The following HPGD variants were observed in gnomAD, a reference collection of about 807,000 sequenced individuals.
HPGD encodes 15-hydroxyprostaglandin dehydrogenase.
A neutral mutation model predicts 30.0 loss-of-function variants in HPGD; 29 were observed. That is an observed-to-expected ratio of 0.97 (90% CI 0.72 to 1.32). HPGD has a LOEUF of 1.32. HPGD is among the 40% of genes most tolerant of loss of function. HPGD has a pLI of 0.00. For synonymous variants in HPGD, 99 were observed against 112.4 expected (o/e 0.88, Z 0.75); for missense variants, 340 against 322.1 (o/e 1.06, Z -0.43).
chr4:174,508,414 C>T (rs1735290271), intron 4 of HPGD, among the ~76,000 whole-genome samples: 3 of 152,048 alleles, frequency 2.0e-5, no homozygotes, highest in Non-Finnish European at 2.9e-5. Context: ...TTAGGAGTCT[C>T]ACCACAACCT....
chr4:174,512,087 A>G (rs1392864778), intron 3 of HPGD, among the ~76,000 whole-genome samples: 1 of 152,230 alleles, frequency 6.6e-6, no homozygotes, highest in Non-Finnish European at 1.5e-5. Flanking sequence ...GAGATCAGCA[A>G]AGTGAAAAGT....
In HPGD at chr4:174,509,535, A is replaced by G. The variant is rs112693228; in HGVS notation, c.325-743T>C. Among the ~76,000 whole-genome samples, 1,079 of 152,288 alleles carry G rather than the reference A, an allele frequency of 7.1e-3. 6 individuals carry two copies. Among genetic ancestry groups the G allele is most frequent in the Non-Finnish European group, 0.013 (873 of 68,012 alleles). Reference sequence around the variant, plus strand: ...GCTGAGAAATTTTTTGTTGCTCTTAAGAAAACCTGAAGAAATGGTTACATT... The same window carrying G: ...GCTGAGAAATTTTTTGTTGCTCTTAGGAAAACCTGAAGAAATGGTTACATT... On this transcript the variant is annotated intron_variant, in intron 3 of 6. Coordinates refer to ENST00000296522, the MANE Select transcript of HPGD (RefSeq NM_000860.6).
Position 174,522,445 on chromosome 4 carries a change from C to T in HPGD, c.7G>A (p.Val3Met), listed in dbSNP as rs1736205097. MH[V>M]NGKVALVTGA... The stretch of plus-strand genomic sequence containing the variant: ...GTCACCAGCGCCACTTTGCCGTTCA[C>T]GTGCATGGTGCAGCCACTGCTGGGG... The change falls in exon 1 of 7, where the codon GTG (valine) becomes ATG (methionine). Residue 3 changes from valine to methionine, a missense_variant. Transcript: ENST00000296522. The T allele has an allele frequency of 1.9e-6, 3 of 1,578,692 alleles. No homozygotes were observed. Among genetic ancestry groups the T allele is most frequent in the Non-Finnish European group, 1.7e-6 (2 of 1,163,116 alleles).
intron 4 of HPGD, chr4:174,507,429 A>ATT (rs1735242785): frequency 6.6e-6 from 1 of 152,202 alleles, no homozygotes; most frequent in African/African-American, 2.4e-5. Context: ...TAAAAGAACC[A>ATT]TTTGATAATC....
chr4:174,493,867 A>G (rs1333435572), intron 5 of HPGD, among the ~76,000 whole-genome samples: 1 of 152,230 alleles, frequency 6.6e-6, no homozygotes, highest in Non-Finnish European at 1.5e-5. Flanking sequence ...TGGATTACAT[A>G]TAAACAAATT....
rs1734388432 is a variant in HPGD at position 174,492,504 on chromosome 4, AT to A, written c.663-411del. Among the ~76,000 whole-genome samples, 1 of 151,976 alleles carries A rather than the reference AT, an allele frequency of 6.6e-6. No homozygotes were observed. Among genetic ancestry groups the A allele is most frequent in the Admixed American group, 6.6e-5 (1 of 15,258 alleles). ...TGGTAACAGCTAGCATTTACTGAAA[AT>A]TTTATTTTTTACCAGTTACCATTTT... On this transcript the variant is annotated intron_variant, in intron 6 of 6. Coordinates refer to ENST00000296522, the MANE Select transcript of HPGD (RefSeq NM_000860.6). The surrounding 1 kb of genome is among the most constrained non-coding windows in gnomAD (Gnocchi z 4.9).
chr4:174,509,910 C>CA lies in HPGD; in HGVS notation c.325-1119dup, dbSNP rs565049366. Among the ~76,000 whole-genome samples the CA allele has an allele frequency of 8.9e-3, 1,076 of 120,234 alleles. 5 individuals carry two copies. The highest frequency in any genetic ancestry group is 0.013 in the Non-Finnish European group (751 of 57,790). The allele number at this position is 120,234 out of a possible 152,430, so 78.9% of individuals were successfully genotyped here. On this transcript the variant is annotated intron_variant, in intron 3 of 6. Transcript: ENST00000296522. ...TTCCTGTTTTTGTTCAAATCACTAC[C>CA]AAAAAAAAAAAAGAAAAAAAAAAAC...
intron 5 of HPGD, 83 bp downstream of exon 5, chr4:174,495,453 CCAAGTGATTTCT>C: frequency 1.1e-6 from 1 of 949,130 alleles, no homozygotes; most frequent in South Asian, 1.3e-5. Context: ...CACCTTTCAT[CCAAGTGATTTCT>C]CAAGTGATTC....
intron 3 of HPGD, 111 bp downstream of exon 3, chr4:174,517,860 T>A: frequency 1.6e-6 from 1 of 622,278 alleles, no homozygotes. Context: ...CTTCCCTTTT[T>A]CAATATTGTA....
At chr4:174,511,130 TAG>T (rs1273192402) in intron 3 of HPGD, among the ~76,000 whole-genome samples, 1 of 151,882 alleles carries the variant, frequency 6.6e-6, no homozygotes, top group Non-Finnish European at 1.5e-5. Context: ...TTATAAATTA[TAG>T]AGTCAAGACT....
At position 174,510,086 on chromosome 4, in the gene HPGD, C is replaced by T. The variant is rs1354785013; in HGVS notation, c.325-1294G>A. 3.3e-5 allele frequency among the ~76,000 whole-genome samples: 5 copies of T among 152,038 alleles called. No homozygotes were observed. The South Asian group carries it at 8.3e-4, about 25-fold the overall frequency. On this transcript the variant is annotated intron_variant, in intron 3 of 6. Transcript: ENST00000296522. The stretch of plus-strand genomic sequence containing the variant: ...ATGCTTTACAATACTGCAAAGAAAA[C>T]GATACAATAGGTAATGCGTCTGAAA...
intron 3 of HPGD, among the ~76,000 whole-genome samples, chr4:174,510,513 G>A (rs1476041593): frequency 6.6e-6 from 1 of 152,160 alleles, no homozygotes; most frequent in Non-Finnish European, 1.5e-5. Flanking sequence ...ACACCCCACT[G>A]TTGTGTTTTC....
chr4:174,493,550 C>A, intron 5 of HPGD: 1 of 431,388 alleles, frequency 2.3e-6, no homozygotes, highest in Admixed American at 3.7e-5. Flanking sequence ...TACTGGACAA[C>A]TCCTGGAAAC....
At chr4:174,508,240 AC>A (rs1735283222) in intron 4 of HPGD, 1 of 649,550 alleles carries the variant, frequency 1.5e-6, no homozygotes, top group Non-Finnish European at 2.8e-6. Flanking sequence ...TGCTTATACT[AC>A]ATGTAAGTTT....
At chr4:174,502,292 C>T (rs1279617807) in intron 4 of HPGD, among the ~76,000 whole-genome samples, 1 of 152,154 alleles carries the variant, frequency 6.6e-6, no homozygotes, top group Admixed American at 6.5e-5. Context: ...TGTGATTTTC[C>T]GCATAATGGA....
Position 174,492,180 on chromosome 4 carries a change from A to C in HPGD, c.663-86T>G, listed in dbSNP as rs1394124543. ...TAAGTTATTTTCTGAAGAATCTATT[A>C]AGTTGAACATGTTATAGGGAAATGT... On this transcript the variant is annotated intron_variant, in intron 6 of 6. Transcript: ENST00000296522. The surrounding 1 kb of genome is among the most constrained non-coding windows in gnomAD (Gnocchi z 4.9). 3.2e-6 allele frequency: 4 copies of C among 1,262,124 alleles called. No individual in the cohort carries two copies. The highest frequency in any genetic ancestry group is 4.6e-6 in the Non-Finnish European group (4 of 871,234). 78.2% of individuals were successfully genotyped at this position (1,262,124 alleles called of 1,614,324 possible).
Position 174,493,306 on chromosome 4 carries a change from A to G in HPGD, c.507T>C (p.Ala169=). ...VGFTRSAALA[A]NLMNSGVRLN... ...GTCTCACACCACTGTTCATAAGATTAGCAGCCAACTGCCAATTAGAAGGTT... is the reference window on the plus strand; with the variant it reads ...GTCTCACACCACTGTTCATAAGATTGGCAGCCAACTGCCAATTAGAAGGTT... The change falls in exon 6 of 7, where the codon GCT becomes GCC. Residue 169 remains alanine, a synonymous_variant. Coordinates refer to ENST00000296522, the MANE Select transcript of HPGD (RefSeq NM_000860.6). 1.2e-6 allele frequency: 2 copies of G among 1,613,138 alleles called. No individual in the cohort carries two copies. Among genetic ancestry groups the G allele is most frequent in the Non-Finnish European group, 1.7e-6 (2 of 1,179,276 alleles).
chr4:174,493,126 AG>A (rs1734420016), intron 6 of HPGD, 24 bp downstream of exon 6: 2 of 1,525,882 alleles, frequency 1.3e-6, no homozygotes, highest in African/African-American at 2.8e-5. Context: ...ATCATTTAAA[AG>A]AAAATAGACA....
intron 2 of HPGD, among the ~76,000 whole-genome samples, chr4:174,519,759 C>T (rs558099797): frequency 6.6e-6 from 1 of 152,184 alleles, no homozygotes; most frequent in East Asian, 1.9e-4. Context: ...TAAAATAGCC[C>T]CACCCCTATT....
Sources: gnomAD v4.1 joint callset for allele counts (sites outside exome capture counted in the v4.1 genomes callset) on GRCh38, gnomAD v4.1.1 for gene constraint, Gnocchi (gnomAD v3.1) non-coding constraint, MANE v1.5 for transcripts, NCBI Gene and HGNC (gene_info 2026-07-23, HGNC 2026-07-21) for gene names.